The following PSTPIP2 variants were observed in gnomAD, a reference collection of about 807,000 sequenced individuals.
PSTPIP2 encodes proline-serine-threonine phosphatase interacting protein 2.
Under a neutral mutation model 63.3 loss-of-function variants are expected in PSTPIP2, and 33 were observed. The observed-to-expected ratio is 0.52, with a 90% CI of 0.40 to 0.70. PSTPIP2 has a LOEUF of 0.70. PSTPIP2 is among the 30% of genes least tolerant of loss of function. The pLI is 0.00. For synonymous variants in PSTPIP2, 125 were observed against 132.7 expected, an observed-to-expected ratio of 0.94 and a Z score of 0.40; for missense variants, 312 against 400.7, an observed-to-expected ratio of 0.78 and a Z score of 1.89.
chr18:46,058,924 G>GT lies in PSTPIP2; in HGVS notation c.33+13231dup, dbSNP rs566139429. Among the ~76,000 whole-genome samples the GT allele has an allele frequency of 2.1e-3, 321 of 152,276 alleles. 2 individuals carry two copies. Among genetic ancestry groups the GT allele is most frequent in the African/African-American group, 7.2e-3 (299 of 41,568 alleles). On this transcript the variant is annotated intron_variant, in intron 1 of 14. Coordinates refer to ENST00000409746, the MANE Select transcript of PSTPIP2 (RefSeq NM_024430.4). ...CTGGTCCACTTCCATCTGGGTTTGG[G>GT]TACAAGTTGCAGGTTTGGTATTTTT...
Position 45,998,967 on chromosome 18 carries a change from A to G in PSTPIP2, c.517-128T>C, listed in dbSNP as rs986524750. On this transcript the variant is annotated intron_variant, in intron 7 of 14. Coordinates refer to ENST00000409746, the MANE Select transcript of PSTPIP2 (RefSeq NM_024430.4). ...CAGGTCTAGTGCAAGTCCTGTGTAC[A>G]TTTCCCTCATGAGCAAATCATTCAA... 4 of 905,212 alleles carry G rather than the reference A, an allele frequency of 4.4e-6. No homozygotes were observed. The African/African-American group carries it at 6.7e-5, about 15-fold the overall frequency. 56.1% of individuals were successfully genotyped at this position (905,212 alleles called of 1,614,324 possible).
At chr18:46,018,942 A>G (rs1294005663) in intron 3 of PSTPIP2, among the ~76,000 whole-genome samples, 1 of 152,162 alleles carries the variant, frequency 6.6e-6, no homozygotes, top group African/African-American at 2.4e-5. Context: ...CTAGTCTACC[A>G]TGTTGTGGAT....
chr18:46,021,682 A>C (rs1907357819), intron 3 of PSTPIP2, among the ~76,000 whole-genome samples: 2 of 151,638 alleles, frequency 1.3e-5, no homozygotes. Flanking sequence ...ACGGTGGCTC[A>C]TGCCTGTAAT....
intron 8 of PSTPIP2, 50 bp downstream of exon 8, chr18:45,998,744 C>G: frequency 6.3e-7 from 1 of 1,582,596 alleles, no homozygotes; most frequent in South Asian, 1.1e-5. Context: ...TTTAGGATAA[C>G]GTAAACCCCA....
intron 3 of PSTPIP2, among the ~76,000 whole-genome samples, 155 bp downstream of exon 3, chr18:46,024,454 A>G (rs944477479): frequency 2.0e-5 from 3 of 152,078 alleles, no homozygotes; most frequent in African/African-American, 7.2e-5. Context: ...CTTGAGTTTG[A>G]GCCCAGCCTG....
At chr18:46,049,275 A>G (rs1908499241) in intron 1 of PSTPIP2, among the ~76,000 whole-genome samples, 2 of 152,104 alleles carry the variant, frequency 1.3e-5, no homozygotes, top group African/African-American at 4.8e-5. Context: ...ACACATGGAC[A>G]CATAGAGGGG....
At chr18:46,045,539 T>G (rs969813518) in intron 1 of PSTPIP2, among the ~76,000 whole-genome samples, 6 of 152,012 alleles carry the variant, frequency 3.9e-5, no homozygotes, top group Non-Finnish European at 8.8e-5. Flanking sequence ...AAGGGATAGC[T>G]TTAGGAGATA....
At chr18:46,051,596 G>C (rs984082175) in intron 1 of PSTPIP2, among the ~76,000 whole-genome samples, 6 of 152,148 alleles carry the variant, frequency 3.9e-5, no homozygotes, top group African/African-American at 1.4e-4. Context: ...AGGCATAAGA[G>C]TCAGTAGATT....
At chr18:46,053,507 T>C (rs1011263048) in intron 1 of PSTPIP2, among the ~76,000 whole-genome samples, 2 of 152,238 alleles carry the variant, frequency 1.3e-5, no homozygotes, top group African/African-American at 2.4e-5. Context: ...CTTGATCTAA[T>C]GAACATCTTA....
intron 2 of PSTPIP2, among the ~76,000 whole-genome samples, chr18:46,034,985 C>T (rs1907914744): frequency 6.6e-6 from 1 of 152,102 alleles, no homozygotes; most frequent in South Asian, 2.1e-4. Context: ...ATCAGGAGCT[C>T]ATTATATAAT....
chr18:46,005,522 T>C lies in PSTPIP2; in HGVS notation c.364A>G (p.Ile122Val), dbSNP rs2144075721. The stretch of plus-strand genomic sequence containing the variant: ...TTTTGTTTATGGATAGCATCCATTA[T>C]GAGCTCTGTCTGTAAAGAGATCATA... The part of the protein sequence containing the change: ...QKLQRKKTEL[I>V]MDAIHKQKSL... Residue 122 changes from isoleucine to valine, a missense_variant, in exon 6 of 15, where the codon ATA (isoleucine) becomes GTA (valine). Physicochemically the swap from Ile to Val is conservative, Grantham distance 29. Transcript: ENST00000409746. The C allele has an allele frequency of 6.3e-7, 1 of 1,594,360 alleles. No homozygotes were observed. Among genetic ancestry groups the C allele is most frequent in the Non-Finnish European group, 8.6e-7 (1 of 1,163,722 alleles).
intron 1 of PSTPIP2, among the ~76,000 whole-genome samples, chr18:46,067,180 T>A (rs964452819): frequency 1.3e-5 from 2 of 151,922 alleles, no homozygotes; most frequent in Non-Finnish European, 2.9e-5. Flanking sequence ...GCCCTCCTGG[T>A]GTGTTTCTGG....
intron 1 of PSTPIP2, among the ~76,000 whole-genome samples, chr18:46,050,542 G>A (rs1320288531): frequency 6.6e-6 from 1 of 151,802 alleles, no homozygotes; most frequent in Non-Finnish European, 1.5e-5. Context: ...AGTGGAATGA[G>A]ACCCTTTCTC....
intron 5 of PSTPIP2, among the ~76,000 whole-genome samples, chr18:46,006,798 C>T (rs942338400): frequency 6.6e-6 from 1 of 152,118 alleles, no homozygotes; most frequent in Non-Finnish European, 1.5e-5. Context: ...AAAGATGTAC[C>T]TCCCAGACAT....
chr18:45,998,627 C>T (rs1599701505), intron 8 of PSTPIP2, among the ~76,000 whole-genome samples, 167 bp downstream of exon 8: 1 of 152,174 alleles, frequency 6.6e-6, no homozygotes, highest in Middle Eastern at 3.4e-3. Flanking sequence ...CTTCCTTACT[C>T]TCTCCCTTCC....
intron 3 of PSTPIP2, among the ~76,000 whole-genome samples, chr18:46,022,859 T>G (rs1568219922): frequency 6.6e-6 from 1 of 152,126 alleles, no homozygotes; most frequent in Non-Finnish European, 1.5e-5. Flanking sequence ...AGACATAGAA[T>G]TGACCTAAAT....
At chr18:45,992,972 TG>T (rs200980249) in intron 10 of PSTPIP2, among the ~76,000 whole-genome samples, 222 of 152,072 alleles carry the variant, frequency 1.5e-3, no homozygotes, top group African/African-American at 5.2e-3. Context: ...GCAATCCGCC[TG>T]CCTTGGCCTC....
At position 45,985,780 on chromosome 18, in the gene PSTPIP2, A is replaced by ATTTT. The variant is rs532775826; in HGVS notation, c.*9-334_*9-331dup. Reference sequence around the variant, plus strand: ...CAAATTCCTAACTCTTCTTGTTTAAATTTTTTTTTTTTTTGAGACAGAGTC... The same window carrying ATTTT: ...CAAATTCCTAACTCTTCTTGTTTAAATTTTTTTTTTTTTTTTTTGAGACAGAGTC... On this transcript the variant is annotated intron_variant, in intron 14 of 14. Coordinates refer to ENST00000409746, the MANE Select transcript of PSTPIP2 (RefSeq NM_024430.4). Among the ~76,000 whole-genome samples the ATTTT allele has an allele frequency of 9.5e-3, 1,408 of 147,572 alleles. 23 individuals carry two copies. Among genetic ancestry groups the ATTTT allele is most frequent in the African/African-American group, 0.031 (1,253 of 40,564 alleles).
At chr18:46,028,416 A>T (rs527255776) in intron 2 of PSTPIP2, 753 of 536,806 alleles carry the variant, frequency 1.4e-3, no homozygotes, top group Admixed American at 2.3e-3. Flanking sequence ...AAGAGGAGAG[A>T]CGGCTCCGGC....
Sources: gnomAD v4.1 joint callset for allele counts (sites outside exome capture counted in the v4.1 genomes callset) on GRCh38, gnomAD v4.1.1 for gene constraint, MANE v1.5 for transcripts, NCBI Gene and HGNC (gene_info 2026-07-23, HGNC 2026-07-21) for gene names.